Variants in ARHGEF3 observed in about 807,000 individuals in gnomAD.
ARHGEF3 encodes 59.8 kDA protein.
A neutral mutation model predicts 63.2 loss-of-function variants in ARHGEF3; 28 were observed. The observed-to-expected ratio is 0.44, with a 90% CI of 0.33 to 0.61. The LOEUF (loss-of-function observed/expected upper bound fraction) is 0.61, where lower values mean the gene tolerates loss of function less well. Ranked by LOEUF, ARHGEF3 falls within the 20% of genes least tolerant of loss-of-function variation. The pLI, the probability that ARHGEF3 is intolerant of heterozygous loss-of-function variation, is 0.03. For synonymous variants in ARHGEF3, 266 were observed against 254.2 expected (o/e 1.05, Z -0.44); for missense variants, 533 against 659.3 (o/e 0.81, Z 2.10).
At chr3:56,960,147 TA>T (rs77663817) in intron 2 of ARHGEF3, among the ~76,000 whole-genome samples, 17,533 of 152,220 alleles carry the variant, frequency 0.12, 1,267 homozygotes, top group East Asian at 0.25. Context: ...ACAAAAGAGA[TA>T]AAATACAAGG....
chr3:56,957,199 A>C (rs1319641064), intron 3 of ARHGEF3, among the ~76,000 whole-genome samples: 2 of 152,260 alleles, frequency 1.3e-5, no homozygotes, highest in Admixed American at 1.3e-4. Flanking sequence ...CTATTTCAGA[A>C]GTCAACACAT....
chr3:56,991,611 AGTTTTGTTTT>A, intron 2 of ARHGEF3, among the ~76,000 whole-genome samples: 1 of 152,168 alleles, frequency 6.6e-6, no homozygotes, highest in African/African-American at 2.4e-5. Flanking sequence ...GACATTAATC[AGTTTTGTTTT>A]GTTTTGTTTT....
rs1044323904 is a variant in ARHGEF3 at position 56,923,993 on chromosome 3, T to TG, written c.129+34829dup. On this transcript the variant is annotated intron_variant, in intron 3 of 12. Transcript: ENST00000338458. ...GGCTGTCCCTTTAAGTCAGACTTCCTGGTAAGGCTGAGAGATTTCCGCATG... is the reference window on the plus strand; with the variant it reads ...GGCTGTCCCTTTAAGTCAGACTTCCTGGGTAAGGCTGAGAGATTTCCGCATG... Among the ~76,000 whole-genome samples, 34 of 152,260 alleles carry TG rather than the reference T, an allele frequency of 2.2e-4. 1 individual carries two copies. Among genetic ancestry groups the TG allele is most frequent in the Non-Finnish European group, 1.5e-5 (1 of 68,040 alleles).
intron 7 of ARHGEF3, among the ~76,000 whole-genome samples, chr3:56,739,422 A>T (rs2033865278): frequency 7.1e-6 from 1 of 141,804 alleles, no homozygotes; most frequent in Non-Finnish European, 1.5e-5. Flanking sequence ...TTCAGTTGAG[A>T]CAGGGTCTCA....
chr3:56,945,851 C>T (rs1025219897), intron 3 of ARHGEF3, among the ~76,000 whole-genome samples: 4 of 152,126 alleles, frequency 2.6e-5, no homozygotes, highest in African/African-American at 9.7e-5. Context: ...CCCTGACCCC[C>T]GAGTAACCTA....
At chr3:56,836,602 G>C (rs1391393592) in intron 4 of ARHGEF3, among the ~76,000 whole-genome samples, 1 of 150,466 alleles carries the variant, frequency 6.6e-6, no homozygotes, top group Non-Finnish European at 1.5e-5. Context: ...CAGTTCTAAA[G>C]ATTTTATACA....
At chr3:56,872,951 T>C (rs1302958713) in intron 4 of ARHGEF3, among the ~76,000 whole-genome samples, 1 of 152,198 alleles carries the variant, frequency 6.6e-6, no homozygotes, top group African/African-American at 2.4e-5. Flanking sequence ...GTGCTCACGA[T>C]AGGCCAGGTA....
At chr3:56,877,707 T>C (rs529902705) in intron 4 of ARHGEF3, among the ~76,000 whole-genome samples, 1 of 152,266 alleles carries the variant, frequency 6.6e-6, no homozygotes, top group East Asian at 1.9e-4. Flanking sequence ...TATATAAATG[T>C]TAAAAGCTGG....
chr3:56,747,064 C>CAGAGAGAGAG (rs5849167), intron 6 of ARHGEF3, among the ~76,000 whole-genome samples: 42 of 148,276 alleles, frequency 2.8e-4, no homozygotes, highest in African/African-American at 1.0e-3. Flanking sequence ...CACACACACA[C>CAGAGAGAGAG]AGAGAGAGAG....
chr3:56,966,830 T>G (rs1445895669), intron 2 of ARHGEF3, among the ~76,000 whole-genome samples: 2 of 150,782 alleles, frequency 1.3e-5, no homozygotes, highest in South Asian at 2.1e-4. Flanking sequence ...CTCCACCCTC[T>G]GTCAGCCTTT....
intron 2 of ARHGEF3, among the ~76,000 whole-genome samples, chr3:57,022,434 C>CA (rs67343990): frequency 0.028 from 4,053 of 145,212 alleles, 172 homozygotes; most frequent in African/African-American, 0.096. Flanking sequence ...ATTTTTGTCT[C>CA]AAAAAAAAAA....
chr3:56,838,684 G>T (rs2039205648), intron 4 of ARHGEF3, among the ~76,000 whole-genome samples: 1 of 152,096 alleles, frequency 6.6e-6, no homozygotes, highest in Non-Finnish European at 1.5e-5. Flanking sequence ...AATGAGAGGG[G>T]AGCTAGAAAT....
At chr3:57,049,265 A>C (rs1704578102) in intron 1 of ARHGEF3, among the ~76,000 whole-genome samples, 1 of 152,218 alleles carries the variant, frequency 6.6e-6, no homozygotes, top group South Asian at 2.1e-4. Context: ...GCTACTCAGG[A>C]GGCTGAAGTG....
At position 57,035,478 on chromosome 3, in the gene ARHGEF3, A is replaced by G. The variant is rs1402899258; in HGVS notation, c.-27-302T>C. Reference sequence around the variant, plus strand: ...CACTCCTTTGCTCAGCCTCCCGAGTAGCTGAGTTTACAGGCACACGCCACC... The same window carrying G: ...CACTCCTTTGCTCAGCCTCCCGAGTGGCTGAGTTTACAGGCACACGCCACC... On this transcript the variant is annotated intron_variant, in intron 1 of 12. Coordinates refer to the ARHGEF3 transcript ENST00000338458. Among the ~76,000 whole-genome samples, 5 of 152,314 alleles carry G rather than the reference A, an allele frequency of 3.3e-5. No homozygotes were observed. In the East Asian group the frequency reaches 9.6e-4, roughly 29 times the overall value.
intron 4 of ARHGEF3, among the ~76,000 whole-genome samples, chr3:56,752,700 C>CA (rs2034845934): frequency 6.6e-6 from 1 of 152,216 alleles, no homozygotes; most frequent in Admixed American, 6.5e-5. Flanking sequence ...TAGACACCAG[C>CA]ATGATAACTC....
intron 3 of ARHGEF3, among the ~76,000 whole-genome samples, chr3:56,907,564 A>G (rs2041726364): frequency 6.6e-6 from 1 of 152,212 alleles, no homozygotes; most frequent in African/African-American, 2.4e-5. Flanking sequence ...TGACACATGC[A>G]CATGTATGTT....
intron 1 of ARHGEF3, among the ~76,000 whole-genome samples, chr3:57,039,507 G>T (rs954958560): frequency 1.3e-5 from 2 of 152,062 alleles, no homozygotes; most frequent in Non-Finnish European, 2.9e-5. Flanking sequence ...GTCTTTCATT[G>T]CTGCTGTAAT....
chr3:56,773,538 C>T (rs2036120069), intron 2 of ARHGEF3, among the ~76,000 whole-genome samples, 171 bp downstream of exon 2: 1 of 152,204 alleles, frequency 6.6e-6, no homozygotes, highest in Non-Finnish European at 1.5e-5. Context: ...CCCTTGACTG[C>T]AACTTGAAAA....
Position 56,813,054 on chromosome 3 carries a change from T to C in ARHGEF3, c.193-39238A>G, listed in dbSNP as rs548190623. 1.4e-4 allele frequency among the ~76,000 whole-genome samples: 22 copies of C among 152,200 alleles called. No individual in the cohort carries two copies. The South Asian group carries it at 4.2e-3, about 29-fold the overall frequency. ...GCAGGCTCAGAAAAACCAAATGCAA[T>C]GGGTAGGTACAAGGATTGCTCTGGT... On this transcript the variant is annotated intron_variant, in intron 4 of 12. Coordinates refer to the ARHGEF3 transcript ENST00000338458.
Sources: allele counts gnomAD v4.1 joint callset (sites outside exome capture counted in the v4.1 genomes callset), GRCh38; gene constraint gnomAD v4.1.1; transcripts MANE v1.5; gene names NCBI Gene and HGNC (gene_info 2026-07-23, HGNC 2026-07-21).